The following TXNDC16 variants were observed in gnomAD, a reference collection of about 807,000 sequenced individuals.
TXNDC16 encodes thioredoxin domain-containing protein 16.
A neutral mutation model predicts 85.6 loss-of-function variants in TXNDC16; 74 were observed. That is an observed-to-expected ratio of 0.86 (90% CI 0.72 to 1.05). The LOEUF is 1.05. Among genes scored for constraint, TXNDC16 ranks in the 50% least tolerant of loss-of-function variants. The pLI is 0.00. For synonymous variants in TXNDC16, 335 were observed against 326.5 expected (o/e 1.03, Z -0.28); for missense variants, 959 against 947.0 (o/e 1.01, Z -0.17).
In TXNDC16 at chr14:52,431,216, T is replaced by A. The variant is rs891397222; in HGVS notation, c.*1088A>T. 6.6e-6 allele frequency: 1 copy of A among 152,180 alleles called. No individual in the cohort carries two copies. The highest frequency in any genetic ancestry group is 2.4e-5 in the African/African-American group (1 of 41,428). The allele number at this position is 152,180 out of a possible 1,614,324, so 9.4% of individuals were successfully genotyped here. On this transcript the variant is annotated 3_prime_UTR_variant, in exon 21 of 21. Transcript: ENST00000281741. Reference sequence around the variant, plus strand: ...CGTGTGGCTCAGGGAGATCAACTGATTTGTCTGAAGCTTGCAAGGGTAGAT... The same window carrying A: ...CGTGTGGCTCAGGGAGATCAACTGAATTGTCTGAAGCTTGCAAGGGTAGAT...
rs567369003 is a variant in TXNDC16, at chr14:52,507,482, A to G, written c.756+3758T>C. On this transcript the variant is annotated intron_variant, in intron 9 of 20. Coordinates refer to ENST00000281741, the MANE Select transcript of TXNDC16 (RefSeq NM_020784.3). ...AAGAATCAATATCGTGAAAATGGCC[A>G]TACTGCCCAAGGTAATTTATAGATT... Among the ~76,000 whole-genome samples, 268 of 152,334 alleles carry G rather than the reference A, an allele frequency of 1.8e-3. 1 individual carries two copies. Among genetic ancestry groups the G allele is most frequent in the African/African-American group, 6.1e-3 (254 of 41,554 alleles).
At chr14:52,504,928 C>A (rs1345686670) in intron 9 of TXNDC16, among the ~76,000 whole-genome samples, 1 of 152,112 alleles carries the variant, frequency 6.6e-6, no homozygotes, top group African/African-American at 2.4e-5. Context: ...ATCCTAGACT[C>A]TGATAAAACA....
In TXNDC16 at chr14:52,530,224, T is replaced by C. The variant is rs1417532103; in HGVS notation, c.392+6495A>G. 4.5e-5 allele frequency among the ~76,000 whole-genome samples: 3 copies of C among 66,872 alleles called. No individual in the cohort carries two copies. The Admixed American group carries it at 8.9e-4, about 20-fold the overall frequency. 43.9% of individuals were successfully genotyped at this position (66,872 alleles called of 152,430 possible). A position where few individuals can be genotyped will look rare whatever the true frequency, so the allele number is the denominator to read the frequency against. On this transcript the variant is annotated intron_variant, in intron 6 of 20. Coordinates refer to ENST00000281741, the MANE Select transcript of TXNDC16 (RefSeq NM_020784.3). ...ATATTATATTATACAGAATAATATA[T>C]AATATTACATATAATAATATATAAT...
intron 1 of TXNDC16, among the ~76,000 whole-genome samples, chr14:52,545,177 T>G (rs1251722317): frequency 6.6e-6 from 1 of 152,212 alleles, no homozygotes; most frequent in Non-Finnish European, 1.5e-5. Flanking sequence ...AGGTTATAAT[T>G]TAACCATTTT....
chr14:52,534,342 A>T (rs564475083), intron 6 of TXNDC16, among the ~76,000 whole-genome samples: 1 of 152,350 alleles, frequency 6.6e-6, no homozygotes, highest in Non-Finnish European at 1.5e-5. Context: ...CATGCAGCTC[A>T]GGACAGCTTT....
chr14:52,439,094 G>A, intron 20 of TXNDC16, 110 bp downstream of exon 20: 1 of 1,157,408 alleles, frequency 8.6e-7, no homozygotes, highest in Non-Finnish European at 1.2e-6. Context: ...CATGGATGAT[G>A]CTACCAGCAT....
chr14:52,470,787 G>C (rs771432842), intron 14 of TXNDC16, 107 bp from the exon 15 acceptor site: 3 of 995,046 alleles, frequency 3.0e-6, no homozygotes, highest in African/African-American at 1.7e-5. Context: ...CTCTCAGCAT[G>C]AAACACTCCT....
At chr14:52,507,083 G>A (rs989771298) in intron 9 of TXNDC16, among the ~76,000 whole-genome samples, 10 of 152,194 alleles carry the variant, frequency 6.6e-5, no homozygotes, top group Admixed American at 2.0e-4. Flanking sequence ...GAAAGAGAAG[G>A]AAATAAAGGG....
At chr14:52,522,794 T>G (rs761843027) in intron 6 of TXNDC16, among the ~76,000 whole-genome samples, 6 of 152,196 alleles carry the variant, frequency 3.9e-5, no homozygotes, top group Non-Finnish European at 8.8e-5. Context: ...CTTAAGCCAG[T>G]CAGACCCAGA....
chr14:52,443,654 G>A (rs1228218553), intron 18 of TXNDC16, among the ~76,000 whole-genome samples: 2 of 152,204 alleles, frequency 1.3e-5, no homozygotes, highest in Non-Finnish European at 2.9e-5. Context: ...AGGCATGCAA[G>A]AGGCAAATAT....
At position 52,511,389 on chromosome 14, in the gene TXNDC16, A is replaced by C; in HGVS notation, c.607T>G (p.Ser203Ala). 6.4e-7 allele frequency: 1 copy of C among 1,562,456 alleles called. No homozygotes were observed. Among genetic ancestry groups the C allele is most frequent in the Non-Finnish European group, 8.7e-7 (1 of 1,147,948 alleles). The change falls in exon 9 of 21, where the codon TCT becomes GCT. Residue 203 changes from serine to alanine, a missense_variant and splice_region_variant. Transcript: ENST00000281741. ...AGATGTGCATATTCCACATCCTCAG[A>C]GCTACAAATTAAAAATTAATTAACT... ...TEIALLESIG[S>A]EDVEYAHLYF...
At position 52,493,216 on chromosome 14, in the gene TXNDC16, T is replaced by TATATATATATATATATATATATATATTAC; in HGVS notation, c.757-2212_757-2211insGTAATATATATATATATATATATATATAT. 2.5e-3 allele frequency among the ~76,000 whole-genome samples: 285 copies of TATATATATATATATATATATATATATTAC among 115,868 alleles called. 3 individuals carry two copies. The highest frequency in any genetic ancestry group is 3.6e-3 in the Non-Finnish European group (205 of 57,104). The allele number at this position is 115,868 out of a possible 152,430, so 76.0% of individuals were successfully genotyped here. On this transcript the variant is annotated intron_variant, in intron 9 of 20. Coordinates refer to ENST00000281741, the MANE Select transcript of TXNDC16 (RefSeq NM_020784.3). Reference sequence around the variant, plus strand: ...TTCTATATATATATATATATATATATACACACACACACACACACATATTTA... The same window carrying TATATATATATATATATATATATATATTAC: ...TTCTATATATATATATATATATATATATATATATATATATATATATATATATTACACACACACACACACACACATATTTA...
rs764244515 is a variant in TXNDC16 at position 52,519,265 on chromosome 14, TA to T, written c.420del (p.Tyr140Ter). ...LFALLFSEVK[Y>X]ITNLEDLQNI... ...TTCTGAAGGTCTTCCAGGTTGGTAA[TA>T]TATTTCACTTCACTAAAAAGAAGAG... On this transcript the variant is annotated frameshift_variant, in exon 7 of 21. Coordinates refer to ENST00000281741, the MANE Select transcript of TXNDC16 (RefSeq NM_020784.3). LOFTEE classifies it high-confidence loss of function. 2 of 1,600,952 alleles carry T rather than the reference TA, an allele frequency of 1.2e-6. No individual in the cohort carries two copies. The highest frequency in any genetic ancestry group is 3.4e-5 in the Admixed American group (2 of 59,530).
chr14:52,537,699 G>A, intron 4 of TXNDC16, 27 bp from the exon 5 acceptor site: 1 of 1,358,702 alleles, frequency 7.4e-7, no homozygotes, highest in Non-Finnish European at 1.0e-6. Context: ...TTAAGTTTTA[G>A]CATATATATC....
chr14:52,539,402 G>A (rs569492666), intron 4 of TXNDC16, among the ~76,000 whole-genome samples: 14 of 152,290 alleles, frequency 9.2e-5, no homozygotes, highest in African/African-American at 2.9e-4. Flanking sequence ...ACAGAAAGAT[G>A]ACCACTATGT....
At chr14:52,530,651 G>T in intron 6 of TXNDC16, among the ~76,000 whole-genome samples, 1 of 113,886 alleles carries the variant, frequency 8.8e-6, no homozygotes. Context: ...AAAATACCTA[G>T]GTATATATAT....
In TXNDC16 at chr14:52,494,032, T is replaced by C. The variant is rs150252087; in HGVS notation, c.757-3027A>G. ...CTGGACTCAGCCAATCCACCCACCTTGGCCTCCCAAAGTGATTCCTATCAC... is the reference window on the plus strand; with the variant it reads ...CTGGACTCAGCCAATCCACCCACCTCGGCCTCCCAAAGTGATTCCTATCAC... On this transcript the variant is annotated intron_variant, in intron 9 of 20. Coordinates refer to ENST00000281741, the MANE Select transcript of TXNDC16 (RefSeq NM_020784.3). Among the ~76,000 whole-genome samples the C allele has an allele frequency of 2.0e-5, 3 of 152,082 alleles. No individual in the cohort carries two copies. In the East Asian group the frequency reaches 5.8e-4, roughly 29 times the overall value.
intron 9 of TXNDC16, among the ~76,000 whole-genome samples, chr14:52,506,180 T>C (rs1025661192): frequency 2.7e-4 from 41 of 152,194 alleles, no homozygotes; most frequent in Non-Finnish European, 5.3e-4. Context: ...TCTGAAACTA[T>C]TCCAATCAAT....
At chr14:52,468,678 G>C (rs1373169325) in intron 16 of TXNDC16, among the ~76,000 whole-genome samples, 1 of 152,118 alleles carries the variant, frequency 6.6e-6, no homozygotes, top group Admixed American at 6.5e-5. Context: ...AGGAGTTTGA[G>C]ACCAGCCTGG....
Sources: gnomAD v4.1 joint callset for allele counts (sites outside exome capture counted in the v4.1 genomes callset) on GRCh38, gnomAD v4.1.1 for gene constraint, MANE v1.5 for transcripts, NCBI Gene and HGNC (gene_info 2026-07-23, HGNC 2026-07-21) for gene names.